HEPH: variants seen among roughly 807,000 people sequenced by gnomAD.
HEPH encodes hephaestin.
Under a neutral mutation model 80.8 loss-of-function variants are expected in HEPH, and 69 were observed. That is an observed-to-expected ratio of 0.85 (90% confidence interval 0.70 to 1.04). The LOEUF is 1.04. Ranked by LOEUF, HEPH falls within the 50% of genes least tolerant of loss-of-function variation. The pLI, the probability that HEPH is intolerant of heterozygous loss-of-function variation, is 0.00. For missense variants in HEPH, 1,115 were observed against 891.3 expected (o/e 1.25, Z -3.20); for synonymous variants, 431 against 322.8 (o/e 1.34, Z -3.60).
upstream of HEPH, among the ~76,000 whole-genome samples, chrX:66,163,979 A>T (rs1291594583): frequency 8.9e-6 from 1 of 112,202 alleles, no homozygotes; most frequent in African/African-American, 3.2e-5. Flanking sequence ...TCAGAGCAAG[A>T]AGGGGAAGAG....
At chrX:66,201,791 G>C (rs1009500216) in intron 12 of HEPH, among the ~76,000 whole-genome samples, 3 of 112,267 alleles carry the variant, frequency 2.7e-5, no homozygotes, top group Non-Finnish European at 5.6e-5. Flanking sequence ...CAATTTGGAG[G>C]CTATTGCAGT....
intron 15 of HEPH, among the ~76,000 whole-genome samples, chrX:66,219,470 C>T (rs1159741379): frequency 1.8e-5 from 2 of 112,037 alleles, no homozygotes; most frequent in Non-Finnish European, 3.8e-5. Flanking sequence ...TGATAGATAG[C>T]ATTTCTCATC....
At chrX:66,262,736 G>A (rs1453745507) in intron 19 of HEPH, among the ~76,000 whole-genome samples, 4 of 111,487 alleles carry the variant, frequency 3.6e-5, no homozygotes, top group Non-Finnish European at 7.5e-5. Context: ...AGGAATGGAA[G>A]AAAAGACAGG....
chrX:66,189,734 C>A lies in HEPH; in HGVS notation c.859C>A (p.Gln287Lys), dbSNP rs1375162350. The A allele has an allele frequency of 1.7e-6, 2 of 1,208,914 alleles. No individual in the cohort carries two copies. The highest frequency in any genetic ancestry group is 3.5e-5 in the African/African-American group (2 of 56,961). ...GNLPELNMCA[Q>K]KRVAWHLFGM... ...TTTACCTGAGCTGAACATGTGTGCA[C>A]AGAAACGTGTGGCCTGGCACTTGTT... Residue 287 changes from glutamine to lysine, a missense_variant, in exon 6 of 21, where the codon CAG (glutamine) becomes AAG (lysine). Gln to Lys is a moderately conservative substitution (Grantham distance 53, BLOSUM62 1). Around this residue, in one of 3 missense-constraint regions of HEPH, gnomAD observed 391 missense variants for 343.6 expected, o/e 1.14. Coordinates refer to ENST00000343002, the MANE Select transcript of HEPH (RefSeq NM_001367233.3).
intron 19 of HEPH, among the ~76,000 whole-genome samples, chrX:66,262,091 A>G (rs1373064372): frequency 8.9e-6 from 1 of 112,098 alleles, no homozygotes; most frequent in Non-Finnish European, 1.9e-5. Flanking sequence ...AATCTTTTCT[A>G]TTTGCCCTTT....
At chrX:66,233,781 C>T (rs2090250465) in intron 15 of HEPH, among the ~76,000 whole-genome samples, 2 of 110,720 alleles carry the variant, frequency 1.8e-5, no homozygotes, top group South Asian at 7.7e-4. Flanking sequence ...GAAATCAAGG[C>T]ATCCATCAAA....
rs370098918 is a variant in HEPH at position 66,234,579 on chromosome X, G to GTT, written c.2564-20446_2564-20445dup. The stretch of plus-strand genomic sequence containing the variant: ...TTCTCTGCAATCTTGCCACCATCTG[G>GTT]TTTTTTTTTTTGACATTTTAATAAT... On this transcript the variant is annotated intron_variant, in intron 15 of 20. Transcript: ENST00000343002. Among the ~76,000 whole-genome samples the GTT allele has an allele frequency of 2.1e-3, 214 of 103,218 alleles. 2 individuals carry two copies. Among genetic ancestry groups the GTT allele is most frequent in the African/African-American group, 7.1e-3 (203 of 28,608 alleles). The allele number at this position is 103,218 out of a possible 115,157, so 89.6% of individuals were successfully genotyped here.
chrX:66,219,584 G>A (rs1195145746), intron 15 of HEPH, among the ~76,000 whole-genome samples: 1 of 111,495 alleles, frequency 9.0e-6, no homozygotes, highest in African/African-American at 3.3e-5. Flanking sequence ...ATGTAAATGG[G>A]GGTCGGGTAT....
intron 15 of HEPH, among the ~76,000 whole-genome samples, chrX:66,254,381 G>C (rs901392438): frequency 1.1e-4 from 12 of 111,638 alleles, no homozygotes; most frequent in African/African-American, 3.9e-4. Context: ...GTAAGTAAAA[G>C]AGTGATAATG....
chrX:66,168,602 C>T (rs764344781), intron 1 of HEPH, among the ~76,000 whole-genome samples: 1 of 111,598 alleles, frequency 9.0e-6, no homozygotes, highest in Non-Finnish European at 1.9e-5. Context: ...GTCACTGCTG[C>T]GTATGGAGAG....
intron 13 of HEPH, 145 bp downstream of exon 13, chrX:66,203,722 C>G (rs901706430): frequency 4.2e-5 from 20 of 480,506 alleles, no homozygotes; most frequent in Admixed American, 2.3e-4. Context: ...TAATGCAGCT[C>G]TTATGAATTC....
chrX:66,173,628 C>T lies in HEPH; in HGVS notation c.452C>T (p.Ala151Val). The T allele has an allele frequency of 8.3e-7, 1 of 1,210,969 alleles. No individual in the cohort carries two copies. The highest frequency in any genetic ancestry group is 1.1e-6 in the Non-Finnish European group (1 of 895,007). ...YPDGSSGPLK[A>V]DDSVPPGGSH... ...GATGGCTCCTCTGGGCCACTGAAAG[C>T]TGATGACTCTGTTCCCCCGGGGGGC... Residue 151 changes from alanine to valine, a missense_variant, in exon 4 of 21, where the codon GCT becomes GTT. By Grantham distance (64) the Ala-to-Val change is moderately conservative (BLOSUM62 0). Transcript: ENST00000343002.
intron 15 of HEPH, among the ~76,000 whole-genome samples, chrX:66,225,810 A>G (rs776227134): frequency 1.8e-5 from 2 of 112,480 alleles, no homozygotes; most frequent in Non-Finnish European, 3.8e-5. Context: ...TCTGTTAATC[A>G]CCTTGCTTCC....
chrX:66,234,725 C>T (rs1163068919), intron 15 of HEPH, among the ~76,000 whole-genome samples: 1 of 111,043 alleles, frequency 9.0e-6, no homozygotes, highest in Non-Finnish European at 1.9e-5. Context: ...CAACCTCCGC[C>T]TCCTGGGTTC....
chrX:66,188,544 G>A lies in HEPH; in HGVS notation c.808+3G>A. The A allele has an allele frequency of 1.7e-6, 2 of 1,202,266 alleles. No individual in the cohort carries two copies. Among genetic ancestry groups the A allele is most frequent in the Middle Eastern group, 2.3e-4 (1 of 4,312 alleles). On this transcript the variant is annotated splice_donor_region_variant and intron_variant, in intron 5 of 20. Transcript: ENST00000343002. ...TCAGGAGAGCAATAGGATGCATGGT[G>A]AGTTGGGAAAAGGTGGCCACATTGT...
chrX:66,262,393 T>C (rs2091397061), intron 19 of HEPH, among the ~76,000 whole-genome samples: 1 of 111,692 alleles, frequency 9.0e-6, no homozygotes, highest in Non-Finnish European at 1.9e-5. Context: ...CAGCCTATGG[T>C]CTTTCTCTTC....
At chrX:66,245,946 G>T (rs780942228) in intron 15 of HEPH, among the ~76,000 whole-genome samples, 1 of 112,295 alleles carries the variant, frequency 8.9e-6, no homozygotes, top group South Asian at 3.7e-4. Flanking sequence ...CTTTTGTTGG[G>T]TGTTCTTGTC....
intron 10 of HEPH, 108 bp downstream of exon 10, chrX:66,198,002 G>A: frequency 1.6e-6 from 1 of 629,782 alleles, no homozygotes; most frequent in South Asian, 2.7e-5. Context: ...GGGAATAGAA[G>A]AAAAATAATC....
intron 15 of HEPH, among the ~76,000 whole-genome samples, chrX:66,247,528 C>A (rs1418858714): frequency 1.8e-5 from 2 of 110,539 alleles, no homozygotes; most frequent in Non-Finnish European, 3.8e-5. Flanking sequence ...ATTTCCATAT[C>A]TTTATTTATA....
Sources: gnomAD v4.1 joint callset for allele counts (sites outside exome capture counted in the v4.1 genomes callset) on GRCh38, gnomAD v4.1.1 for gene constraint, gnomAD v4.1.1 regional missense constraint, MANE v1.5 for transcripts, NCBI Gene and HGNC (gene_info 2026-07-23, HGNC 2026-07-21) for gene names.